Variants in RYR3 observed in about 807,000 individuals in gnomAD.
RYR3 encodes the protein ryanodine receptor 3, also known as brain ryanodine receptor-calcium release channel.
Under a neutral mutation model 584.3 loss-of-function variants are expected in RYR3, and 207 were observed. The ratio of observed to expected loss-of-function variants is 0.35; its 90% CI spans 0.32 to 0.40. The LOEUF (loss-of-function observed/expected upper bound fraction) is 0.40, where lower values mean the gene tolerates loss of function less well. Ranked by LOEUF, RYR3 falls within the 10% of genes least tolerant of loss-of-function variation. The pLI is 1.00. For synonymous variants in RYR3, 2,416 were observed against 2,248.5 expected (o/e 1.07, Z -2.11); for missense variants, 5,616 against 6,089.2 (o/e 0.92, Z 2.59).
intron 16 of RYR3, among the ~76,000 whole-genome samples, chr15:33,591,761 A>G (rs551901667): frequency 4.8e-4 from 73 of 152,342 alleles, no homozygotes; most frequent in Middle Eastern, 3.4e-3. Flanking sequence ...AATATATGAT[A>G]AAATAGTAAT....
chr15:33,562,521 G>A (rs1318884065), intron 10 of RYR3, among the ~76,000 whole-genome samples: 1 of 152,076 alleles, frequency 6.6e-6, no homozygotes. Context: ...ATATAAATCA[G>A]GATGAGGAAA....
intron 1 of RYR3, among the ~76,000 whole-genome samples, chr15:33,344,963 A>G (rs922406542): frequency 9.9e-5 from 15 of 152,154 alleles, no homozygotes; most frequent in African/African-American, 3.4e-4. Context: ...ATTCTCCCAC[A>G]TTTTGCAGGT....
chr15:33,837,529 C>T, intron 88 of RYR3, 102 bp from the exon 89 acceptor site: 1 of 1,296,802 alleles, frequency 7.7e-7, no homozygotes, highest in South Asian at 1.6e-5. Flanking sequence ...GAAGAGCTGA[C>T]TAATTTGGCA....
intron 38 of RYR3, 113 bp downstream of exon 38, chr15:33,670,669 A>C (rs150922397): frequency 1.8e-6 from 2 of 1,086,760 alleles, no homozygotes; most frequent in Non-Finnish European, 2.6e-6. Context: ...CAAAGAAAGC[A>C]TCTGGGCAGT....
chr15:33,727,086 G>A (rs561888500), intron 46 of RYR3, among the ~76,000 whole-genome samples: 20 of 152,256 alleles, frequency 1.3e-4, no homozygotes, highest in Non-Finnish European at 2.5e-4. Context: ...CTCCCTTCTC[G>A]TTTTCCCCTG....
chr15:33,835,652 T>C (rs956181710), intron 87 of RYR3, among the ~76,000 whole-genome samples: 12 of 152,248 alleles, frequency 7.9e-5, no homozygotes, highest in African/African-American at 2.7e-4. Context: ...TGAGGCTGAT[T>C]AGAGTAACAT....
chr15:33,689,543 T>A (rs1447499990), intron 38 of RYR3, among the ~76,000 whole-genome samples: 1 of 152,204 alleles, frequency 6.6e-6, no homozygotes, highest in African/African-American at 2.4e-5. Context: ...AATGTCTTTT[T>A]CATCAGATCA....
Position 33,502,487 on chromosome 15 carries a change from A to G in RYR3, c.172-1144A>G, listed in dbSNP as rs546774584. Among the ~76,000 whole-genome samples the G allele has an allele frequency of 3.9e-5, 6 of 152,274 alleles. No homozygotes were observed. The East Asian group carries it at 9.7e-4, about 25-fold the overall frequency. ...TTCTCATGGTATTGATGTTCTGCCA[A>G]TATCATGTAGGAAACAAAGGATTGG... On this transcript the variant is annotated intron_variant, in intron 2 of 103. Coordinates refer to ENST00000634891, the MANE Select transcript of RYR3 (RefSeq NM_001036.6).
At position 33,748,239 on chromosome 15, in the gene RYR3, A is replaced by C. The variant is rs2070939351; in HGVS notation, c.8115A>C (p.Arg2705=). Residue 2705 remains arginine, a synonymous_variant, in exon 54 of 104, where the codon CGA becomes CGC. Transcript: ENST00000634891. ...AACAGCGGGAAAATGAGAAGCTTCG[A>C]AGTGTGTCCCAGGCCAACCAGGTAT... ...LVQQRENEKL[R]SVSQANQGNS... is the part of the protein sequence containing the mutation. The C allele has an allele frequency of 6.2e-7, 1 of 1,613,856 alleles. No individual in the cohort carries two copies.
rs780130684 is a variant in RYR3 at position 33,722,802 on chromosome 15, G to C, written c.6707G>C (p.Gly2236Ala). 4 of 1,613,338 alleles carry C rather than the reference G, an allele frequency of 2.5e-6. No homozygotes were observed. Among genetic ancestry groups the C allele is most frequent in the Admixed American group, 3.3e-5 (2 of 59,906 alleles). The change falls in exon 44 of 104, where the codon GGG (glycine) becomes GCG (alanine). Residue 2236 changes from glycine to alanine, a missense_variant. Physicochemically the swap from Gly to Ala is moderately conservative, Grantham distance 60. Around this residue, in one of 9 missense-constraint regions of RYR3, gnomAD observed 1,280 missense variants for 1,426.2 expected, o/e 0.90. Coordinates refer to ENST00000634891, the MANE Select transcript of RYR3 (RefSeq NM_001036.6). ...ECFGPALRGE[G>A]GNGLLAAMQG... ...TTCGGCCCGGCCCTGCGGGGTGAGG[G>C]GGGAAACGGGCTCTTGGCAGCCATG...
At chr15:33,813,653 T>C in intron 74 of RYR3, 74 bp downstream of exon 74, 1 of 1,189,010 alleles carries the variant, frequency 8.4e-7, no homozygotes, top group Non-Finnish European at 1.3e-6. Context: ...AGCTGTGCTC[T>C]CTCACTCTTA....
At chr15:33,592,668 G>C (rs774624595) in intron 16 of RYR3, among the ~76,000 whole-genome samples, 13 of 152,184 alleles carry the variant, frequency 8.5e-5, no homozygotes, top group Non-Finnish European at 1.5e-4. Flanking sequence ...TCTCCAGCCA[G>C]GTATTCCAGT....
intron 16 of RYR3, among the ~76,000 whole-genome samples, chr15:33,595,072 GA>G (rs2059305218): frequency 6.7e-6 from 1 of 149,170 alleles, no homozygotes; most frequent in African/African-American, 2.5e-5. Flanking sequence ...TAAAAGATTA[GA>G]TTAGAAAAAG....
chr15:33,410,480 A>C (rs1596018399), intron 1 of RYR3, among the ~76,000 whole-genome samples: 1 of 152,258 alleles, frequency 6.6e-6, no homozygotes, highest in Non-Finnish European at 1.5e-5. Context: ...CATCCTCATT[A>C]TTCAAACTCA....
At chr15:33,788,530 A>G in intron 67 of RYR3, 72 bp downstream of exon 67, 3 of 1,560,004 alleles carry the variant, frequency 1.9e-6, no homozygotes, top group Non-Finnish European at 2.6e-6. Context: ...TAAAATGGAA[A>G]GATGGTGTTG....
chr15:33,570,832 AC>A (rs2057987396), intron 12 of RYR3, among the ~76,000 whole-genome samples: 1 of 82,522 alleles, frequency 1.2e-5, no homozygotes, highest in Non-Finnish European at 3.2e-5. Context: ...TGGTGCTACT[AC>A]AAATATAATT....
intron 1 of RYR3, among the ~76,000 whole-genome samples, chr15:33,366,435 G>C (rs909712952): frequency 2.6e-5 from 4 of 152,168 alleles, no homozygotes; most frequent in Admixed American, 2.0e-4. Flanking sequence ...TGGATAGTTA[G>C]AAATAATGGG....
chr15:33,810,793 C>T, intron 71 of RYR3, 144 bp downstream of exon 71: 1 of 1,127,522 alleles, frequency 8.9e-7, no homozygotes, highest in African/African-American at 1.5e-5. Context: ...AACACGCCCT[C>T]ATCTTTAAAA....
At chr15:33,731,073 G>A (rs11854385) in intron 47 of RYR3, among the ~76,000 whole-genome samples, 3,522 of 152,284 alleles carry the variant, frequency 0.023, 130 homozygotes, top group African/African-American at 0.081. Context: ...TGAGAAAAGA[G>A]AGCGAAAACC....
Sources: gnomAD v4.1 joint callset for allele counts (sites outside exome capture counted in the v4.1 genomes callset) on GRCh38, gnomAD v4.1.1 for gene constraint, gnomAD v4.1.1 regional missense constraint, MANE v1.5 for transcripts, NCBI Gene and HGNC (gene_info 2026-07-23, HGNC 2026-07-21) for gene names.